Variants in LRRC49 observed in about 807,000 individuals in gnomAD.
LRRC49 encodes leucine rich repeat containing 49.
LRRC49 carries 50 observed loss-of-function variants against 83.3 expected under a neutral mutation model. The ratio of observed to expected loss-of-function variants is 0.60; its 90% CI spans 0.48 to 0.76. The LOEUF (loss-of-function observed/expected upper bound fraction) is 0.76. Ranked by LOEUF, LRRC49 falls within the 30% of genes least tolerant of loss-of-function variation. The pLI, the probability that LRRC49 is intolerant of heterozygous loss-of-function variation, is 0.00. For missense variants in LRRC49, 704 were observed against 809.1 expected, an observed-to-expected ratio of 0.87 and a Z score of 1.58; for synonymous variants, 286 against 283.3, an observed-to-expected ratio of 1.01 and a Z score of -0.10.
At chr15:70,870,951 T>G (rs1474777548) in intron 1 of LRRC49, among the ~76,000 whole-genome samples, 1 of 32,826 alleles carries the variant, frequency 3.0e-5, no homozygotes, top group Non-Finnish European at 9.2e-5. Flanking sequence ...CTTAGTTTTT[T>G]TTTTTTTTTT....
intron 15 of LRRC49, 72 bp from the exon 16 acceptor site, chr15:71,049,337 G>T (rs960910758): frequency 2.1e-6 from 2 of 952,296 alleles, no homozygotes; most frequent in Non-Finnish European, 3.2e-6. Context: ...ATTTTCTGTG[G>T]TTCAGCTAAT....
intron 15 of LRRC49, among the ~76,000 whole-genome samples, chr15:71,045,493 A>T (rs2039827204): frequency 6.6e-6 from 1 of 152,140 alleles, no homozygotes; most frequent in African/African-American, 2.4e-5. Context: ...ATTAATTGAG[A>T]TTCAGTATTC....
At position 70,953,998 on chromosome 15, in the gene LRRC49, G is replaced by T. The variant is rs533351323; in HGVS notation, c.774-9787G>T. Among the ~76,000 whole-genome samples the T allele has an allele frequency of 2.0e-5, 3 of 152,040 alleles. No individual in the cohort carries two copies. The South Asian group carries it at 6.2e-4, about 32-fold the overall frequency. ...CAACCTCCACCTCCTGGGTTCAAGC[G>T]ATTCTCCAGCCTCAGTCTCCCGAGT... On this transcript the variant is annotated intron_variant, in intron 8 of 15. Transcript: ENST00000260382.
At chr15:71,004,143 CA>C (rs1331779150) in intron 11 of LRRC49, among the ~76,000 whole-genome samples, 1 of 152,148 alleles carries the variant, frequency 6.6e-6, no homozygotes, top group East Asian at 1.9e-4. Context: ...CTGAACCATG[CA>C]GGATAAAATC....
At chr15:70,859,465 C>G in intron 1 of LRRC49, 5 of 710,056 alleles carry the variant, frequency 7.0e-6, no homozygotes, top group South Asian at 7.0e-5. Context: ...TGGACAACAG[C>G]TACTTCCTGG....
intron 7 of LRRC49, among the ~76,000 whole-genome samples, chr15:70,920,043 A>G (rs2034952202): frequency 6.6e-6 from 1 of 152,206 alleles, no homozygotes; most frequent in Non-Finnish European, 1.5e-5. Flanking sequence ...TGATACAGCT[A>G]ATGAGGAACA....
intron 7 of LRRC49, among the ~76,000 whole-genome samples, chr15:70,933,176 C>G (rs574571868): frequency 9.2e-5 from 14 of 151,832 alleles, no homozygotes; most frequent in Non-Finnish European, 1.3e-4. Flanking sequence ...ATAATTTTTT[C>G]TATTTTTTAA....
At chr15:71,007,426 G>A (rs1232316950) in intron 11 of LRRC49, among the ~76,000 whole-genome samples, 1 of 151,696 alleles carries the variant, frequency 6.6e-6, no homozygotes, top group Non-Finnish European at 1.5e-5. Context: ...AAAGACCATG[G>A]GAGCACAAAT....
chr15:71,019,913 AAAAAT>A (rs1416530835), intron 14 of LRRC49, among the ~76,000 whole-genome samples: 2 of 152,220 alleles, frequency 1.3e-5, no homozygotes, highest in African/African-American at 4.8e-5. Context: ...CATACAATGA[AAAAAT>A]AAATAACCAG....
intron 8 of LRRC49, among the ~76,000 whole-genome samples, chr15:70,942,223 G>T (rs1028932493): frequency 2.6e-5 from 4 of 152,222 alleles, no homozygotes; most frequent in Admixed American, 2.6e-4. Flanking sequence ...CAGTGAGTTA[G>T]CAGTTTTGAA....
At chr15:70,954,977 G>A (rs1042111199) in intron 8 of LRRC49, among the ~76,000 whole-genome samples, 3 of 152,104 alleles carry the variant, frequency 2.0e-5, no homozygotes, top group Admixed American at 2.0e-4. Flanking sequence ...CCGTGGGCTT[G>A]GGAGGTGTGC....
At chr15:70,982,486 G>A (rs2037439206) in intron 10 of LRRC49, among the ~76,000 whole-genome samples, 1 of 152,136 alleles carries the variant, frequency 6.6e-6, no homozygotes, top group Non-Finnish European at 1.5e-5. Context: ...ATTTCTACTT[G>A]CTTTATATAA....
chr15:70,932,752 T>C, intron 7 of LRRC49, among the ~76,000 whole-genome samples: 1 of 137,412 alleles, frequency 7.3e-6, no homozygotes, highest in Non-Finnish European at 1.6e-5. Flanking sequence ...TTTTTTGAGA[T>C]GGAGTCTTGC....
At chr15:70,964,768 C>A (rs1202756283) in intron 9 of LRRC49, among the ~76,000 whole-genome samples, 2 of 152,120 alleles carry the variant, frequency 1.3e-5, no homozygotes, top group Admixed American at 1.3e-4. Flanking sequence ...TAGTCTCTGA[C>A]CTAGAAAAAT....
At chr15:70,886,260 T>C in intron 2 of LRRC49, among the ~76,000 whole-genome samples, 1 of 152,162 alleles carries the variant, frequency 6.6e-6, no homozygotes, top group Non-Finnish European at 1.5e-5. Context: ...ATTATTAATA[T>C]CATGCAAAAG....
chr15:70,984,032 G>T, intron 10 of LRRC49, 62 bp from the exon 11 acceptor site: 1 of 1,309,524 alleles, frequency 7.6e-7, no homozygotes. Context: ...ATGCCCCTTA[G>T]ATGTCACTTC....
At chr15:70,980,869 T>G (rs1269920991) in intron 10 of LRRC49, among the ~76,000 whole-genome samples, 2 of 152,120 alleles carry the variant, frequency 1.3e-5, no homozygotes, top group Non-Finnish European at 2.9e-5. Flanking sequence ...TGCTTTTCTT[T>G]TTAAAATTAA....
chr15:70,963,338 A>C (rs1043777839), intron 8 of LRRC49, among the ~76,000 whole-genome samples: 2 of 151,790 alleles, frequency 1.3e-5, no homozygotes, highest in Non-Finnish European at 1.5e-5. Flanking sequence ...GAAAAATATC[A>C]GACAAATCCT....
intron 9 of LRRC49, among the ~76,000 whole-genome samples, chr15:70,971,966 C>A (rs911760363): frequency 3.3e-5 from 5 of 152,018 alleles, no homozygotes; most frequent in Non-Finnish European, 7.4e-5. Context: ...TTAACTGGGG[C>A]ATTTAGCCCA....
Sources: allele counts gnomAD v4.1 joint callset (sites outside exome capture counted in the v4.1 genomes callset), GRCh38; gene constraint gnomAD v4.1.1; transcripts MANE v1.5; gene names NCBI Gene and HGNC (gene_info 2026-07-23, HGNC 2026-07-21).